JOSD1: variants seen among roughly 807,000 people sequenced by gnomAD.
JOSD1 encodes Josephin domain containing 1, also known as josephin-1.
JOSD1 carries 11 observed loss-of-function variants against 24.3 expected under a neutral mutation model. That is an observed-to-expected ratio of 0.45 (90% CI 0.29 to 0.75). The LOEUF is 0.75. Ranked by LOEUF, JOSD1 falls within the 30% of genes least tolerant of loss-of-function variation. The pLI is 0.11. For missense variants in JOSD1, 184 were observed against 253.5 expected, an observed-to-expected ratio of 0.73 and a Z score of 1.86; for synonymous variants, 106 against 93.8, an observed-to-expected ratio of 1.13 and a Z score of -0.75.
chr22:38,689,928 G>GTA (rs1389029256), intron 2 of JOSD1, among the ~76,000 whole-genome samples: 2 of 151,612 alleles, frequency 1.3e-5, no homozygotes, highest in Non-Finnish European at 2.9e-5. Context: ...GTGTGTGTGT[G>GTA]TGTGTGTGTG....
At chr22:38,699,261 G>C (rs867669315) in intron 2 of JOSD1, among the ~76,000 whole-genome samples, 1 of 152,206 alleles carries the variant, frequency 6.6e-6, no homozygotes, top group South Asian at 2.1e-4. Context: ...AGCAATGTAC[G>C]AACAGCACTA....
At chr22:38,688,022 A>G (rs745500257) in intron 4 of JOSD1, 21 bp from the exon 5 acceptor site, 8 of 1,571,374 alleles carry the variant, frequency 5.1e-6, no homozygotes, top group Non-Finnish European at 7.0e-6. Context: ...AGAGATAGAG[A>G]AAATGAAATG....
At chr22:38,689,893 C>T (rs1430856724) in intron 2 of JOSD1, among the ~76,000 whole-genome samples, 2 of 142,392 alleles carry the variant, frequency 1.4e-5, no homozygotes, top group African/African-American at 5.6e-5. Flanking sequence ...CTGGAATGCA[C>T]GACCCACCTA....
upstream of JOSD1, chr22:38,701,078 G>C: frequency 1.3e-6 from 1 of 756,420 alleles, no homozygotes. Flanking sequence ...TGACGTCATC[G>C]GCACCGGCCT....
intron 2 of JOSD1, among the ~76,000 whole-genome samples, chr22:38,693,114 C>A (rs2092530463): frequency 6.6e-6 from 1 of 152,154 alleles, no homozygotes; most frequent in Non-Finnish European, 1.5e-5. Flanking sequence ...GGGTTTCCTG[C>A]AGAATTCTTG....
intron 2 of JOSD1, among the ~76,000 whole-genome samples, chr22:38,696,866 T>C (rs556125578): frequency 1.3e-5 from 2 of 152,362 alleles, no homozygotes; most frequent in South Asian, 4.1e-4. Context: ...TGCTTCTTTT[T>C]TCTGGCTAAA....
chr22:38,695,688 C>T (rs2092542981), intron 2 of JOSD1, among the ~76,000 whole-genome samples: 1 of 152,044 alleles, frequency 6.6e-6, no homozygotes, highest in Non-Finnish European at 1.5e-5. Flanking sequence ...CTGAAGCCAT[C>T]CACCCAACTC....
intron 2 of JOSD1, among the ~76,000 whole-genome samples, chr22:38,699,407 C>T (rs911379615): frequency 1.1e-4 from 17 of 152,198 alleles, no homozygotes; most frequent in African/African-American, 3.4e-4. Context: ...GTAAACTCCT[C>T]GGCAGCAGAG....
intron 2 of JOSD1, among the ~76,000 whole-genome samples, chr22:38,699,533 T>C (rs1403100700): frequency 6.6e-6 from 1 of 152,212 alleles, no homozygotes; most frequent in African/African-American, 2.4e-5. Context: ...ATCAGTAAAA[T>C]GGAAATAACA....
chr22:38,700,643 T>A, intron 1 of JOSD1, 25 bp from the exon 2 acceptor site: 1 of 983,666 alleles, frequency 1.0e-6, no homozygotes, highest in Non-Finnish European at 1.2e-6. Flanking sequence ...ACAACTCCGG[T>A]CAGCGGCGAG....
At position 38,694,703 on chromosome 22, in the gene JOSD1, A is replaced by T. The variant is rs1304821943; in HGVS notation, c.185+5100T>A. Among the ~76,000 whole-genome samples, 3 of 151,994 alleles carry T rather than the reference A, an allele frequency of 2.0e-5. No individual in the cohort carries two copies. In the East Asian group the frequency reaches 5.8e-4, roughly 29 times the overall value. ...CGGTGAAACCCCATCTCTACTAAAA[A>T]TACAAAAAAGTAGCCGGGCGTGGTG... On this transcript the variant is annotated intron_variant, in intron 2 of 4. Transcript: ENST00000683374.
rs1193289135 is a variant in JOSD1, at chr22:38,699,960, T to C, written c.28A>G (p.Lys10Glu). Residue 10 changes from lysine (K) to glutamate (E), a missense_variant, in exon 2 of 5, where the codon AAG (lysine) becomes GAG (glutamate). Coordinates refer to ENST00000683374, the MANE Select transcript of JOSD1 (RefSeq NM_001360236.2). ...AGCTCCAATGATTCAGATTTGGCCT[T>C]GTCTCCTTTCCATGGCACACAACTC... MSCVPWKGDKAKSESLELPQ... is the reference protein window; with the variant it reads MSCVPWKGDEAKSESLELPQ... 6.2e-7 allele frequency: 1 copy of C among 1,611,136 alleles called. No individual in the cohort carries two copies. Among genetic ancestry groups the C allele is most frequent in the Non-Finnish European group, 8.5e-7 (1 of 1,178,392 alleles).
At chr22:38,690,747 G>A (rs987264895) in intron 2 of JOSD1, among the ~76,000 whole-genome samples, 19 of 152,126 alleles carry the variant, frequency 1.2e-4, no homozygotes, top group East Asian at 3.9e-4. Flanking sequence ...CTGGCCAGGC[G>A]CGGTGGCTCA....
chr22:38,693,757 C>G lies in JOSD1; in HGVS notation c.186-4333G>C, dbSNP rs148907015. 2.3e-4 allele frequency among the ~76,000 whole-genome samples: 35 copies of G among 152,226 alleles called. No individual in the cohort carries two copies. In the East Asian group the frequency reaches 6.7e-3, roughly 29 times the overall value. Reference sequence around the variant, plus strand: ...TATTCTTTTATCCTATTTCCTGTTCCAAGCCAAATCCTACAGCTCCTTCAC... The same window carrying G: ...TATTCTTTTATCCTATTTCCTGTTCGAAGCCAAATCCTACAGCTCCTTCAC... On this transcript the variant is annotated intron_variant, in intron 2 of 4. Transcript: ENST00000683374.
At chr22:38,700,768 G>C in intron 1 of JOSD1, 32 bp downstream of exon 1, 1 of 984,654 alleles carries the variant, frequency 1.0e-6, no homozygotes, top group South Asian at 4.7e-5. Context: ...TCCCGGGCCC[G>C]CGCCCACCCG....
chr22:38,700,489 G>C lies in JOSD1; in HGVS notation c.-502C>G. On this transcript the variant is annotated 5_prime_UTR_variant, in exon 2 of 5. Transcript: ENST00000683374. ...AGCGCACGAGTCGAGTAGCTAGCGC[G>C]GGCCGGCAGGCGTGGGACCGCGAGC... The C allele has an allele frequency of 1.0e-6, 1 of 986,222 alleles. No individual in the cohort carries two copies. The highest frequency in any genetic ancestry group is 1.2e-6 in the Non-Finnish European group (1 of 830,464). The allele number at this position is 986,222 out of a possible 1,614,324, so 61.1% of individuals were successfully genotyped here. A position where few individuals can be genotyped will look rare whatever the true frequency, so the allele number is the denominator to read the frequency against.
Position 38,700,005 on chromosome 22 carries a change from C to T in JOSD1, c.-18G>A. 1 of 1,574,734 alleles carries T rather than the reference C, an allele frequency of 6.4e-7. No individual in the cohort carries two copies. The highest frequency in any genetic ancestry group is 8.6e-7 in the Non-Finnish European group (1 of 1,160,730). On this transcript the variant is annotated 5_prime_UTR_variant, in exon 2 of 5. Coordinates refer to ENST00000683374, the MANE Select transcript of JOSD1 (RefSeq NM_001360236.2). ...CAACTCATGTTTTTTGTTTTAGGTT[C>T]CAGAGATGGCTATAAACACCCCACT...
In JOSD1 at chr22:38,687,905, C is replaced by T. The variant is rs1014861182; in HGVS notation, c.606G>A (p.Val202=). ...VEAHQSWRTD[V] ...AGAGGGAGGTTGGGCAGAACTGTTA[C>T]ACATCGGTCCTCCAACTCTGATGAG... Residue 202 remains valine (V), a synonymous_variant, in exon 5 of 5, where the codon GTG becomes GTA. Transcript: ENST00000683374. 7 of 1,609,250 alleles carry T rather than the reference C, an allele frequency of 4.3e-6. No individual in the cohort carries two copies. The highest frequency in any genetic ancestry group is 6.0e-6 in the Non-Finnish European group (7 of 1,175,622).
intron 2 of JOSD1, among the ~76,000 whole-genome samples, chr22:38,691,705 G>A (rs191771510): frequency 5.3e-5 from 8 of 152,200 alleles, no homozygotes; most frequent in African/African-American, 1.9e-4. Context: ...GTCTGGCTCT[G>A]TCGCCCAGGC....
Sources: gnomAD v4.1 joint callset for allele counts (sites outside exome capture counted in the v4.1 genomes callset) on GRCh38, gnomAD v4.1.1 for gene constraint, MANE v1.5 for transcripts, NCBI Gene and HGNC (gene_info 2026-07-23, HGNC 2026-07-21) for gene names.